The following APP variants were observed in gnomAD, a reference collection of about 807,000 sequenced individuals.
The protein encoded by APP is amyloid beta precursor protein, also known as amyloid-beta precursor protein.
A neutral mutation model predicts 101.4 loss-of-function variants in APP; 31 were observed. The ratio of observed to expected loss-of-function variants is 0.31; its 90% confidence interval spans 0.23 to 0.41. APP has a LOEUF of 0.41. APP is among the 10% of genes least tolerant of loss of function. APP has a pLI of 1.00. For missense variants in APP, 839 were observed against 1,003.7 expected, an observed-to-expected ratio of 0.84 and a Z score of 2.22; for synonymous variants, 366 against 364.4, an observed-to-expected ratio of 1.00 and a Z score of -0.05.
intron 1 of APP, among the ~76,000 whole-genome samples, chr21:26,157,155 C>T (rs879889157): frequency 2.0e-5 from 3 of 151,820 alleles, no homozygotes; most frequent in Admixed American, 6.6e-5. Context: ...CTGCAACCTC[C>T]GCCTCCTGGG....
chr21:25,940,130 T>C (rs895196395), intron 13 of APP, among the ~76,000 whole-genome samples: 2 of 152,166 alleles, frequency 1.3e-5, no homozygotes, highest in Admixed American at 6.5e-5. Flanking sequence ...CTTAAGGGTA[T>C]TGAGCCCCCA....
intron 11 of APP, among the ~76,000 whole-genome samples, chr21:25,968,941 G>C (rs1304456130): frequency 6.6e-6 from 1 of 152,136 alleles, no homozygotes; most frequent in Admixed American, 6.5e-5. Flanking sequence ...CGGTGGTTAA[G>C]TATGAGGGAG....
At chr21:25,950,381 C>CT (rs57124711) in intron 13 of APP, among the ~76,000 whole-genome samples, 3,042 of 133,032 alleles carry the variant, frequency 0.023, 47 homozygotes, top group Middle Eastern at 0.056. Context: ...TTTTTTTTTT[C>CT]TTTTTTTTTT....
chr21:26,103,254 G>T (rs1306757168), intron 2 of APP, among the ~76,000 whole-genome samples: 1 of 152,148 alleles, frequency 6.6e-6, no homozygotes, highest in Non-Finnish European at 1.5e-5. Context: ...ACAAACTGAA[G>T]GCAAATCTGG....
At chr21:26,056,241 T>C (rs1341818883) in intron 3 of APP, among the ~76,000 whole-genome samples, 3 of 152,202 alleles carry the variant, frequency 2.0e-5, no homozygotes, top group Non-Finnish European at 2.9e-5. Context: ...TCTAGATATG[T>C]TGCCCAGGCT....
chr21:26,075,462 T>C (rs1021914142), intron 3 of APP, among the ~76,000 whole-genome samples: 1 of 152,186 alleles, frequency 6.6e-6, no homozygotes, highest in Non-Finnish European at 1.5e-5. Flanking sequence ...CTAGTAAAAT[T>C]CGAAGATGAC....
At position 25,997,360 on chromosome 21, in the gene APP, G is replaced by A. The variant is rs749453173; in HGVS notation, c.1090C>T (p.Leu364Phe). 38 of 1,613,574 alleles carry A rather than the reference G, an allele frequency of 2.4e-5. No homozygotes were observed. Among genetic ancestry groups the A allele is most frequent in the African/African-American group, 1.7e-4 (13 of 74,916 alleles). ...QEPLARDPVKLPTTAASTPDA... is the reference protein window; with the variant it reads ...QEPLARDPVKFPTTAASTPDA... The stretch of plus-strand genomic sequence containing the variant: ...TTCCCTCAGGTGAATGACAACGTAC[G>A]TTTAACAGGATCTCGGGCAAGAGGT... Residue 364 changes from leucine to phenylalanine, a missense_variant and splice_region_variant, in exon 8 of 18, where the codon CTT (leucine) becomes TTT (phenylalanine). By Grantham distance (22) the Leu-to-Phe change is conservative (BLOSUM62 0). Coordinates refer to ENST00000346798, the MANE Select transcript of APP (RefSeq NM_000484.4).
intron 6 of APP, among the ~76,000 whole-genome samples, chr21:26,002,213 T>G (rs892915487): frequency 6.6e-6 from 1 of 152,226 alleles, no homozygotes. Flanking sequence ...CATGGCGCAT[T>G]TCTCCTGCGG....
intron 11 of APP, among the ~76,000 whole-genome samples, chr21:25,969,908 G>GAAGA (rs1385369698): frequency 1.5e-5 from 2 of 130,318 alleles, no homozygotes; most frequent in Non-Finnish European, 3.2e-5. Context: ...GAAGAGAAGA[G>GAAGA]GGGAGGGGAA....
intron 17 of APP, 37 bp downstream of exon 17, chr21:25,891,685 A>C: frequency 1.9e-6 from 3 of 1,608,702 alleles, no homozygotes; most frequent in Non-Finnish European, 2.6e-6. Context: ...TCATAGTCTT[A>C]ATTCCCACTT....
At position 26,000,019 on chromosome 21, in the gene APP, G is replaced by A. The variant is rs750575150; in HGVS notation, c.1029C>T (p.Ser343=). ...TEEYCMAVCG[S]AMSQSLLKTT... is the part of the protein sequence containing the mutation. ...CTCGAAGAAGGGTCCACTTACTGGCGCTGCCACACACGGCCATGCAGTACT... is the reference window on the plus strand; with the variant it reads ...CTCGAAGAAGGGTCCACTTACTGGCACTGCCACACACGGCCATGCAGTACT... Residue 343 remains serine (S), a synonymous_variant, in exon 7 of 18, where the codon AGC becomes AGT. Coordinates refer to ENST00000346798, the MANE Select transcript of APP (RefSeq NM_000484.4). 12 of 1,613,854 alleles carry A rather than the reference G, an allele frequency of 7.4e-6. No individual in the cohort carries two copies. The highest frequency in any genetic ancestry group is 4.5e-5 in the East Asian group (2 of 44,840).
intron 3 of APP, among the ~76,000 whole-genome samples, chr21:26,077,267 T>C (rs538219892): frequency 4.0e-5 from 6 of 150,954 alleles, no homozygotes; most frequent in Middle Eastern, 3.4e-3. Context: ...ACTCTGTGCT[T>C]AAATAACTAT....
intron 9 of APP, among the ~76,000 whole-genome samples, chr21:25,981,717 T>G (rs1490484240): frequency 1.9e-4 from 29 of 151,478 alleles, no homozygotes; most frequent in African/African-American, 5.6e-4. Context: ...ACAGGTTTTT[T>G]TTTTTTTTTT....
At chr21:25,898,639 TC>T (rs1292865430) in intron 15 of APP, among the ~76,000 whole-genome samples, 2 of 152,216 alleles carry the variant, frequency 1.3e-5, no homozygotes. Context: ...GCCCAAACTG[TC>T]CTTTTTTTAC....
intron 13 of APP, among the ~76,000 whole-genome samples, chr21:25,930,484 G>C (rs2040094963): frequency 6.6e-6 from 1 of 152,138 alleles, no homozygotes; most frequent in African/African-American, 2.4e-5. Context: ...TGGTAGAAAG[G>C]ATGATTTTCA....
intron 15 of APP, among the ~76,000 whole-genome samples, chr21:25,901,003 A>AAAAAAAAAAAAAAAAAAAAAC (rs1260628465): frequency 6.8e-6 from 1 of 146,094 alleles, no homozygotes; most frequent in African/African-American, 2.6e-5. Context: ...AAAAAAAAAA[A>AAAAAAAAAAAAAAAAAAAAAC]AGAATGAGCT....
At chr21:26,029,687 A>T (rs911878663) in intron 5 of APP, among the ~76,000 whole-genome samples, 6 of 152,186 alleles carry the variant, frequency 3.9e-5, no homozygotes, top group Admixed American at 3.3e-4. Flanking sequence ...ATGGCAAGTC[A>T]GCAGTGGCAC....
chr21:25,904,681 GC>G (rs1019713740), intron 15 of APP, among the ~76,000 whole-genome samples: 10 of 151,898 alleles, frequency 6.6e-5, no homozygotes, highest in African/African-American at 2.4e-4. Context: ...ATCTATCTGG[GC>G]TTCTGTTTTT....
At chr21:25,889,220 G>A (rs931854392) in intron 17 of APP, among the ~76,000 whole-genome samples, 2 of 152,170 alleles carry the variant, frequency 1.3e-5, no homozygotes, top group Admixed American at 1.3e-4. Context: ...AGGTCATCAG[G>A]GTTGATCCTA....
Sources: allele counts gnomAD v4.1 joint callset (sites outside exome capture counted in the v4.1 genomes callset), GRCh38; gene constraint gnomAD v4.1.1; transcripts MANE v1.5; gene names NCBI Gene and HGNC (gene_info 2026-07-23, HGNC 2026-07-21).